The following NRG1 variants were observed in gnomAD, a reference collection of about 807,000 sequenced individuals.
The protein encoded by NRG1 is pro-neuregulin-1, membrane-bound isoform.
In NRG1, 18 loss-of-function variants were observed where a neutral mutation model predicts 63.8. The ratio of observed to expected loss-of-function variants is 0.28; its 90% confidence interval spans 0.19 to 0.42. The LOEUF (loss-of-function observed/expected upper bound fraction) is 0.42. Among genes scored for constraint, NRG1 ranks in the 10% least tolerant of loss-of-function variants. NRG1 has a pLI of 1.00. For synonymous variants in NRG1, 302 were observed against 301.3 expected, an observed-to-expected ratio of 1.00 and a Z score of -0.02; for missense variants, 762 against 814.7, an observed-to-expected ratio of 0.94 and a Z score of 0.79.
At chr8:32,512,442 T>C (rs1829327958) in intron 1 of NRG1, among the ~76,000 whole-genome samples, 1 of 152,230 alleles carries the variant, frequency 6.6e-6, no homozygotes. Context: ...AGCTGTTCAC[T>C]GTTATTACTA....
At chr8:32,040,548 T>C (rs1022172386) in intron 1 of NRG1, among the ~76,000 whole-genome samples, 1 of 150,760 alleles carries the variant, frequency 6.6e-6, no homozygotes, top group East Asian at 2.0e-4. Context: ...TTAATTTCAT[T>C]TGGTAGGCTT....
intron 1 of NRG1, among the ~76,000 whole-genome samples, chr8:32,190,897 T>C (rs1842428352): frequency 6.6e-6 from 1 of 151,586 alleles, no homozygotes; most frequent in Admixed American, 6.6e-5. Context: ...TAGGGGAGAG[T>C]TGAGTTTAGG....
chr8:32,438,528 T>G (rs1236155315), intron 1 of NRG1, among the ~76,000 whole-genome samples: 1 of 152,152 alleles, frequency 6.6e-6, no homozygotes, highest in African/African-American at 2.4e-5. Context: ...ACATTTTCAT[T>G]TCTCTGAGAT....
chr8:32,467,996 T>A (rs181969714), intron 1 of NRG1, among the ~76,000 whole-genome samples: 1 of 152,244 alleles, frequency 6.6e-6, no homozygotes, highest in East Asian at 1.9e-4. Flanking sequence ...CAGGAAGCTG[T>A]CTTGTTGGCA....
At chr8:31,750,427 C>A (rs1456392672) in intron 1 of NRG1, among the ~76,000 whole-genome samples, 2 of 151,946 alleles carry the variant, frequency 1.3e-5, no homozygotes, top group Admixed American at 1.3e-4. Context: ...TAATGTCAAG[C>A]ACGGTCACAT....
At chr8:32,433,492 A>G (rs908774028) in intron 1 of NRG1, among the ~76,000 whole-genome samples, 1 of 152,148 alleles carries the variant, frequency 6.6e-6, no homozygotes, top group Non-Finnish European at 1.5e-5. Context: ...TATTTTTTCC[A>G]ATTTTCCTTG....
chr8:31,915,916 A>T lies in NRG1; in HGVS notation c.37+276485A>T, dbSNP rs150396912. 8.9e-3 allele frequency among the ~76,000 whole-genome samples: 1,350 copies of T among 152,220 alleles called. 20 individuals are homozygous for T. The highest frequency in any genetic ancestry group is 0.031 in the African/African-American group (1,275 of 41,552). ...TTAAGAAACATGTTAAAGAGTAAAG[A>T]TGTTTTAAATAAGCATTTCTCAAAT... On this transcript the variant is annotated intron_variant, in intron 1 of 10. Coordinates refer to the NRG1 transcript ENST00000519301.
chr8:32,430,903 G>A (rs1818060389), intron 1 of NRG1, among the ~76,000 whole-genome samples: 1 of 151,714 alleles, frequency 6.6e-6, no homozygotes, highest in Non-Finnish European at 1.5e-5. Context: ...ATAGGTACCA[G>A]GAATATGAAA....
chr8:31,640,199 T>C lies in NRG1; in HGVS notation c.37+768T>C. The stretch of plus-strand genomic sequence containing the variant: ...TCGTCCCCGCCCAGCGTGGGATCGG[T>C]GCAGGAGCTAGCTCAGCGCGCCGCG... On this transcript the variant is annotated intron_variant, in intron 1 of 10. Coordinates refer to the NRG1 transcript ENST00000519301. The surrounding 1 kb of genome is among the most constrained non-coding windows in gnomAD (Gnocchi z 6.3). 1 of 1,172,530 alleles carries C rather than the reference T, an allele frequency of 8.5e-7. No individual in the cohort carries two copies. The highest frequency in any genetic ancestry group is 1.1e-6 in the Non-Finnish European group (1 of 948,502). The allele number at this position is 1,172,530 out of a possible 1,614,324, so 72.6% of individuals were successfully genotyped here.
chr8:31,887,555 G>A (rs891823398), intron 1 of NRG1, among the ~76,000 whole-genome samples: 1 of 152,022 alleles, frequency 6.6e-6, no homozygotes, highest in Non-Finnish European at 1.5e-5. Context: ...GTAGGTGCTA[G>A]TAAGTAGGAG....
At chr8:32,687,246 A>C (rs1810404135) in intron 5 of NRG1, among the ~76,000 whole-genome samples, 1 of 152,214 alleles carries the variant, frequency 6.6e-6, no homozygotes, top group South Asian at 2.1e-4. Flanking sequence ...AGGGGCAAAC[A>C]AGGTTGTTCT....
At chr8:31,735,873 A>G (rs369426194) in intron 1 of NRG1, among the ~76,000 whole-genome samples, 10 of 152,160 alleles carry the variant, frequency 6.6e-5, no homozygotes, top group African/African-American at 2.4e-4. Context: ...AATTCTCTGC[A>G]TGTATCTAGA....
intron 1 of NRG1, among the ~76,000 whole-genome samples, chr8:32,538,320 T>C (rs924016312): frequency 2.6e-5 from 4 of 152,152 alleles, no homozygotes; most frequent in Admixed American, 1.3e-4. Flanking sequence ...CAATTAAACT[T>C]TTCAGAAATC....
chr8:31,711,834 C>A (rs1207272340), intron 1 of NRG1, among the ~76,000 whole-genome samples: 3 of 152,136 alleles, frequency 2.0e-5, no homozygotes, highest in Non-Finnish European at 4.4e-5. Context: ...TTCACTGTAT[C>A]CTCACGTAAT....
At chr8:32,366,681 A>G (rs6991302) in intron 1 of NRG1, among the ~76,000 whole-genome samples, 470 of 12,728 alleles carry the variant, frequency 0.037, 5 homozygotes, top group African/African-American at 0.093. Context: ...GTGTGTGTAT[A>G]TATATATATA....
intron 1 of NRG1, among the ~76,000 whole-genome samples, chr8:31,865,998 A>C (rs1349920306): frequency 6.6e-6 from 1 of 152,120 alleles, no homozygotes; most frequent in Non-Finnish European, 1.5e-5. Flanking sequence ...GCTCATTAGG[A>C]GGGACAGATG....
intron 1 of NRG1, among the ~76,000 whole-genome samples, chr8:31,901,593 T>A (rs559102071): frequency 1.0e-3 from 152 of 152,306 alleles, no homozygotes; most frequent in African/African-American, 3.1e-3. Context: ...TAAAAAGTTG[T>A]ACTAAATGAT....
At chr8:32,193,716 T>A (rs1842713737) in intron 1 of NRG1, among the ~76,000 whole-genome samples, 1 of 152,072 alleles carries the variant, frequency 6.6e-6, no homozygotes, top group African/African-American at 2.4e-5. Flanking sequence ...GAACCTTATT[T>A]GGAGGTAGTG....
intron 1 of NRG1, among the ~76,000 whole-genome samples, chr8:31,846,643 T>G (rs964397580): frequency 5.3e-5 from 8 of 152,190 alleles, no homozygotes; most frequent in African/African-American, 1.9e-4. Context: ...TAATGTACAA[T>G]GGAATGTGTC....
Sources: gnomAD v4.1 joint callset for allele counts (sites outside exome capture counted in the v4.1 genomes callset) on GRCh38, gnomAD v4.1.1 for gene constraint, Gnocchi (gnomAD v3.1) non-coding constraint, MANE v1.5 for transcripts, NCBI Gene and HGNC (gene_info 2026-07-23, HGNC 2026-07-21) for gene names.